MRPS31: variants seen among roughly 807,000 people sequenced by gnomAD.
The protein encoded by MRPS31 is mitochondrial ribosomal protein S31.
A neutral mutation model predicts 43.1 loss-of-function variants in MRPS31; 32 were observed. The ratio of observed to expected loss-of-function variants is 0.74; its 90% CI spans 0.56 to 1.00. The LOEUF is 1.00. Among genes scored for constraint, MRPS31 ranks in the 50% least tolerant of loss-of-function variants. The probability of loss-of-function intolerance (pLI) is 0.00; values close to 1 mark genes in which losing one functional copy is unlikely to be tolerated. For missense variants in MRPS31, 437 were observed against 466.7 expected (o/e 0.94, Z 0.59); for synonymous variants, 165 against 161.6 (o/e 1.02, Z -0.16).
chr13:40,733,616 A>T (rs752153992), intron 6 of MRPS31, among the ~76,000 whole-genome samples: 6 of 152,214 alleles, frequency 3.9e-5, no homozygotes, highest in Non-Finnish European at 8.8e-5. Context: ...AAAAGAGATC[A>T]CATACAATGA....
Position 40,729,423 on chromosome 13 carries a change from A to G in MRPS31, c.1137T>C (p.Tyr379=). 1.9e-6 allele frequency: 3 copies of G among 1,588,058 alleles called. No homozygotes were observed. The highest frequency in any genetic ancestry group is 2.6e-6 in the Non-Finnish European group (3 of 1,159,124). ...TTAGAATATCCTTTTTTTCATTAAA[A>G]TAATTTCTAAACCACTCTATGTGTT... ...KVEHIEWFRN[Y]FNEKKDILKE... Residue 379 remains tyrosine, a synonymous_variant, in exon 7 of 7, where the codon TAT becomes TAC. Coordinates refer to ENST00000323563, the MANE Select transcript of MRPS31 (RefSeq NM_005830.4).
chr13:40,732,013 C>T (rs971420241), intron 6 of MRPS31, among the ~76,000 whole-genome samples: 8 of 151,992 alleles, frequency 5.3e-5, no homozygotes, highest in Non-Finnish European at 1.0e-4. Flanking sequence ...ATACTATATA[C>T]AAAAATAAGT....
At chr13:40,764,089 G>A (rs1880775417) in intron 2 of MRPS31, among the ~76,000 whole-genome samples, 1 of 152,118 alleles carries the variant, frequency 6.6e-6, no homozygotes, top group African/African-American at 2.4e-5. Flanking sequence ...GGCAGCACAG[G>A]AAAATACAAC....
At chr13:40,765,726 T>A (rs1180114452) in intron 2 of MRPS31, among the ~76,000 whole-genome samples, 1 of 152,140 alleles carries the variant, frequency 6.6e-6, no homozygotes, top group Non-Finnish European at 1.5e-5. Flanking sequence ...AGAAGACTAT[T>A]AAAATCTGTT....
chr13:40,754,903 A>G (rs112783599), intron 4 of MRPS31, among the ~76,000 whole-genome samples: 12 of 152,324 alleles, frequency 7.9e-5, no homozygotes, highest in Non-Finnish European at 1.6e-4. Flanking sequence ...GTGTGATGGC[A>G]GGTGCCTGTA....
chr13:40,754,181 C>G, intron 4 of MRPS31, 89 bp from the exon 5 acceptor site: 1 of 724,886 alleles, frequency 1.4e-6, no homozygotes, highest in Non-Finnish European at 2.1e-6. Flanking sequence ...GTGAAATATT[C>G]TATGTAGAAA....
rs373475702 is a variant in MRPS31 at position 40,754,075 on chromosome 13, C to T, written c.758G>A (p.Gly253Glu). 5.0e-6 allele frequency: 8 copies of T among 1,585,770 alleles called. No homozygotes were observed. The African/African-American group carries it at 8.1e-5, about 16-fold the overall frequency. The change falls in exon 5 of 7, where the codon GGG (glycine) becomes GAG (glutamate). Residue 253 changes from glycine (G) to glutamate (E), a missense_variant. Physicochemically the swap from Gly to Glu is moderately conservative, Grantham distance 98. Coordinates refer to ENST00000323563, the MANE Select transcript of MRPS31 (RefSeq NM_005830.4). ...CATGTCAAAAATATTAAGTCTTTTCCCTGTGAATATATTTTTCCTAAGTCC... is the reference window on the plus strand; with the variant it reads ...CATGTCAAAAATATTAAGTCTTTTCTCTGTGAATATATTTTTCCTAAGTCC... ...DLKKRKNIFT[G>E]KRLNIFDMMA...
At position 40,766,695 on chromosome 13, in the gene MRPS31, C is replaced by CA. The variant is rs778372001; in HGVS notation, c.440+50dup. ...GTATTAAAAATATTTTTTACCAAAA[C>CA]AAAAAGCTTACTGGAGTTTCAAACA... On this transcript the variant is annotated intron_variant, in intron 2 of 6. Coordinates refer to ENST00000323563, the MANE Select transcript of MRPS31 (RefSeq NM_005830.4). 6.6e-6 allele frequency: 10 copies of CA among 1,509,514 alleles called. No homozygotes were observed. In the African/African-American group the frequency reaches 1.4e-4, roughly 21 times the overall value. The allele number at this position is 1,509,514 out of a possible 1,614,324, so 93.5% of individuals were successfully genotyped here. A position where few individuals can be genotyped will look rare whatever the true frequency, so the allele number is the denominator to read the frequency against.
chr13:40,739,131 C>T (rs1170809808), intron 6 of MRPS31, among the ~76,000 whole-genome samples: 3 of 152,028 alleles, frequency 2.0e-5, no homozygotes. Flanking sequence ...ACAAGCATTC[C>T]TATACACCAA....
intron 2 of MRPS31, among the ~76,000 whole-genome samples, chr13:40,764,849 T>C (rs1292265180): frequency 1.3e-5 from 2 of 152,222 alleles, no homozygotes; most frequent in African/African-American, 2.4e-5. Context: ...CACTGTGTTC[T>C]AGTCAAATCG....
At chr13:40,745,904 G>GT (rs2138002839) in intron 6 of MRPS31, among the ~76,000 whole-genome samples, 1 of 152,294 alleles carries the variant, frequency 6.6e-6, no homozygotes, top group East Asian at 1.9e-4. Flanking sequence ...CTAGTGCCAA[G>GT]TCTAAGTGAG....
intron 4 of MRPS31, among the ~76,000 whole-genome samples, chr13:40,755,296 T>C (rs1880500208): frequency 6.6e-6 from 1 of 152,204 alleles, no homozygotes; most frequent in Non-Finnish European, 1.5e-5. Flanking sequence ...GCACGTCTGA[T>C]AAACAGGATG....
Position 40,758,957 on chromosome 13 carries a change from G to A in MRPS31, c.590C>T (p.Pro197Leu), listed in dbSNP as rs187459666. ...ESRAQRDAKR[P>L]KISFSNIISD... ...GGTTTGATTCACTCACCTAATTTTA[G>A]GTCGCTTTGCATCTCTCTGTGCCCT... Residue 197 changes from proline to leucine, a missense_variant, in exon 3 of 7, where the codon CCT (proline) becomes CTT (leucine). Transcript: ENST00000323563. 5.1e-6 allele frequency: 8 copies of A among 1,577,026 alleles called. No homozygotes were observed. The East Asian group carries it at 1.8e-4, about 36-fold the overall frequency.
intron 2 of MRPS31, among the ~76,000 whole-genome samples, chr13:40,762,770 ATAG>A (rs894036125): frequency 6.8e-6 from 1 of 146,228 alleles, no homozygotes; most frequent in African/African-American, 2.6e-5. Flanking sequence ...ACCACCTGAC[ATAG>A]TATAGACATT....
intron 6 of MRPS31, among the ~76,000 whole-genome samples, chr13:40,734,705 A>G (rs1238672254): frequency 1.3e-5 from 2 of 152,116 alleles, no homozygotes; most frequent in Admixed American, 1.3e-4. Context: ...GTTTGAGGCC[A>G]GCCTGGGCAA....
intron 6 of MRPS31, among the ~76,000 whole-genome samples, chr13:40,731,687 AAGAC>A (rs1313785914): frequency 2.0e-5 from 3 of 152,230 alleles, no homozygotes; most frequent in Non-Finnish European, 2.9e-5. Context: ...TACAAATTAA[AAGAC>A]AGAGACTGGC....
At chr13:40,756,035 T>G (rs9549281) in intron 4 of MRPS31, among the ~76,000 whole-genome samples, 21,668 of 152,182 alleles carry the variant, frequency 0.14, 1,886 homozygotes, top group South Asian at 0.29. Context: ...GAACTTCCGG[T>G]GTTAACTGCT....
chr13:40,736,500 T>C (rs999344708), intron 6 of MRPS31, among the ~76,000 whole-genome samples: 1 of 147,146 alleles, frequency 6.8e-6, no homozygotes, highest in African/African-American at 2.6e-5. Flanking sequence ...AAAGTTGAAA[T>C]GAAGGAAAAA....
intron 6 of MRPS31, among the ~76,000 whole-genome samples, chr13:40,743,788 CTG>C (rs1880166191): frequency 1.3e-5 from 2 of 152,194 alleles, no homozygotes; most frequent in South Asian, 4.1e-4. Flanking sequence ...GGAAAGCAGT[CTG>C]GAGATTTCTC....
Sources: allele counts gnomAD v4.1 joint callset (sites outside exome capture counted in the v4.1 genomes callset), GRCh38; gene constraint gnomAD v4.1.1; transcripts MANE v1.5; gene names NCBI Gene and HGNC (gene_info 2026-07-23, HGNC 2026-07-21).